CRPPA: variants seen among roughly 807,000 people sequenced by gnomAD.
CRPPA encodes the protein CDP-L-ribitol pyrophosphorylase A, also known as D-ribitol-5-phosphate cytidylyltransferase.
A neutral mutation model predicts 52.0 loss-of-function variants in CRPPA; 43 were observed. That is an observed-to-expected ratio of 0.83 (90% CI 0.65 to 1.07). CRPPA has a LOEUF of 1.07. Ranked by LOEUF, CRPPA falls within the 50% of genes least tolerant of loss-of-function variation. The pLI is 0.00. For missense variants in CRPPA, 629 were observed against 551.7 expected (o/e 1.14, Z -1.40); for synonymous variants, 250 against 203.5 (o/e 1.23, Z -1.94).
chr7:16,183,362 C>T (rs373676149), intron 9 of CRPPA, among the ~76,000 whole-genome samples: 11 of 152,288 alleles, frequency 7.2e-5, no homozygotes, highest in African/African-American at 2.6e-4. Flanking sequence ...TGTTTTCCCC[C>T]ATGGCCATAC....
chr7:16,259,830 G>A (rs1437035499), intron 6 of CRPPA, among the ~76,000 whole-genome samples: 1 of 151,928 alleles, frequency 6.6e-6, no homozygotes, highest in Non-Finnish European at 1.5e-5. Context: ...GTTCCTTGGT[G>A]AAACATCAAA....
chr7:16,254,644 G>A (rs961519674), intron 8 of CRPPA, among the ~76,000 whole-genome samples: 2 of 151,730 alleles, frequency 1.3e-5, no homozygotes, highest in African/African-American at 4.8e-5. Context: ...TGTAAACGAC[G>A]AGTTACTGGT....
intron 6 of CRPPA, among the ~76,000 whole-genome samples, chr7:16,262,816 G>T (rs747643837): frequency 6.6e-6 from 1 of 152,082 alleles, no homozygotes; most frequent in African/African-American, 2.4e-5. Flanking sequence ...GGAGATCCAC[G>T]GGCAGGGTTT....
chr7:16,254,800 A>G (rs192776345), intron 8 of CRPPA, among the ~76,000 whole-genome samples: 849 of 79,982 alleles, frequency 0.011, 2 homozygotes, highest in Non-Finnish European at 0.018. Context: ...AAGGAAAGAA[A>G]GAAAGAAAGA....
chr7:16,247,452 C>T (rs533891485), intron 8 of CRPPA, among the ~76,000 whole-genome samples: 1 of 152,300 alleles, frequency 6.6e-6, no homozygotes, highest in Admixed American at 6.5e-5. Context: ...GCAATCAGAA[C>T]ACACACAACA....
chr7:16,297,929 T>A (rs980591174), intron 5 of CRPPA, among the ~76,000 whole-genome samples: 1 of 152,202 alleles, frequency 6.6e-6, no homozygotes, highest in Non-Finnish European at 1.5e-5. Context: ...CCTATCTATA[T>A]CTCTGTATAT....
At chr7:16,286,097 A>ATATATATATATATATATATATAT (rs1554309941) in intron 5 of CRPPA, among the ~76,000 whole-genome samples, 2 of 39,118 alleles carry the variant, frequency 5.1e-5, no homozygotes, top group Non-Finnish European at 8.1e-5. Flanking sequence ...TAAAAAAAAA[A>ATATATATATATATATATATATAT]ATATATATAT....
chr7:16,107,775 T>C (rs955161287), intron 9 of CRPPA, among the ~76,000 whole-genome samples: 23 of 151,752 alleles, frequency 1.5e-4, no homozygotes, highest in Non-Finnish European at 3.2e-4. Context: ...AGTATGAGAG[T>C]TTAAAAAAAC....
intron 8 of CRPPA, among the ~76,000 whole-genome samples, chr7:16,230,214 AG>A (rs1782757492): frequency 6.6e-6 from 1 of 152,168 alleles, no homozygotes; most frequent in Admixed American, 6.5e-5. Flanking sequence ...TTACTATTTA[AG>A]TAAGCTTTCT....
intron 2 of CRPPA, among the ~76,000 whole-genome samples, chr7:16,391,701 A>C (rs2128314942): frequency 6.6e-6 from 1 of 152,222 alleles, no homozygotes. Flanking sequence ...TATTTCCATC[A>C]CTGCAGAATG....
At chr7:16,324,197 G>A (rs1292051359) in intron 3 of CRPPA, among the ~76,000 whole-genome samples, 1 of 152,132 alleles carries the variant, frequency 6.6e-6, no homozygotes, top group Non-Finnish European at 1.5e-5. Context: ...ATGGACTAAG[G>A]CCTTCATGTC....
At chr7:16,216,918 T>A (rs1170412951) in intron 8 of CRPPA, among the ~76,000 whole-genome samples, 1 of 151,800 alleles carries the variant, frequency 6.6e-6, no homozygotes, top group African/African-American at 2.4e-5. Context: ...GCCGGGAAGC[T>A]CCAACTGGGT....
intron 2 of CRPPA, among the ~76,000 whole-genome samples, chr7:16,401,377 C>T (rs751761941): frequency 4.6e-5 from 7 of 152,084 alleles, no homozygotes; most frequent in Non-Finnish European, 1.0e-4. Context: ...AAAGAATGGT[C>T]AGAGGAAAAA....
chr7:16,212,302 G>T (rs1050529706), intron 9 of CRPPA, among the ~76,000 whole-genome samples: 1 of 152,160 alleles, frequency 6.6e-6, no homozygotes, highest in African/African-American at 2.4e-5. Flanking sequence ...GCTTTCAAAA[G>T]TTCTATTTCC....
In CRPPA at chr7:16,171,895, AT is replaced by A. The variant is rs557359921; in HGVS notation, c.1251+44170del. 4.7e-4 allele frequency among the ~76,000 whole-genome samples: 71 copies of A among 152,328 alleles called. 1 individual carries two copies. Among genetic ancestry groups the A allele is most frequent in the African/African-American group, 1.6e-3 (67 of 41,572 alleles). The stretch of plus-strand genomic sequence containing the variant: ...TTAGCAGGTACACTTGCTCACTGAT[AT>A]CCCTCTTCGACCAATCTTTTTGATA... On this transcript the variant is annotated intron_variant, in intron 9 of 9. Coordinates refer to ENST00000407010, the MANE Select transcript of CRPPA (RefSeq NM_001101426.4).
chr7:16,251,511 G>A (rs1424170993), intron 8 of CRPPA, among the ~76,000 whole-genome samples: 1 of 151,894 alleles, frequency 6.6e-6, no homozygotes, highest in Non-Finnish European at 1.5e-5. Context: ...AAAGAATGGA[G>A]ATCATAACAA....
chr7:16,167,021 C>T (rs1341841961), intron 9 of CRPPA, among the ~76,000 whole-genome samples: 3 of 151,628 alleles, frequency 2.0e-5, no homozygotes, highest in Admixed American at 6.6e-5. Context: ...CTCTGCCTCC[C>T]GGGTTCACAC....
chr7:16,350,531 A>T (rs76833956), intron 3 of CRPPA, among the ~76,000 whole-genome samples: 4,689 of 152,278 alleles, frequency 0.031, 235 homozygotes, highest in African/African-American at 0.1. Context: ...TATGCAATCA[A>T]AATTATCAAC....
intron 5 of CRPPA, among the ~76,000 whole-genome samples, chr7:16,300,175 A>T (rs1404378079): frequency 6.6e-6 from 1 of 152,258 alleles, no homozygotes; most frequent in Non-Finnish European, 1.5e-5. Context: ...TTAAAACAAC[A>T]TATCCTTGAA....
Sources: allele counts gnomAD v4.1 joint callset (sites outside exome capture counted in the v4.1 genomes callset), GRCh38; gene constraint gnomAD v4.1.1; transcripts MANE v1.5; gene names NCBI Gene and HGNC (gene_info 2026-07-23, HGNC 2026-07-21).